The following SETBP1 variants were observed in gnomAD, a reference collection of about 807,000 sequenced individuals.
The protein encoded by SETBP1 is SET-binding protein.
SETBP1 carries 9 observed loss-of-function variants against 101.0 expected under a neutral mutation model. The observed-to-expected ratio is 0.09, with a 90% CI of 0.05 to 0.16. SETBP1 has a LOEUF of 0.16. Ranked by LOEUF, SETBP1 falls within the 10% of genes least tolerant of loss-of-function variation. The pLI, the probability that SETBP1 is intolerant of heterozygous loss-of-function variation, is 1.00. For synonymous variants in SETBP1, 818 were observed against 788.5 expected (o/e 1.04, Z -0.63); for missense variants, 1,858 against 2,033.8 (o/e 0.91, Z 1.66).
chr18:44,920,747 A>G (rs1209436873), intron 3 of SETBP1, among the ~76,000 whole-genome samples: 2 of 152,080 alleles, frequency 1.3e-5, no homozygotes, highest in African/African-American at 4.8e-5. Context: ...AACAACAGCT[A>G]CTTACTGGGA....
intron 3 of SETBP1, among the ~76,000 whole-genome samples, chr18:44,937,219 G>A (rs376254997): frequency 1.4e-4 from 22 of 151,932 alleles, no homozygotes; most frequent in African/African-American, 4.8e-4. Flanking sequence ...TTGGGAGGCC[G>A]AGGCGGGCGG....
intron 2 of SETBP1, among the ~76,000 whole-genome samples, chr18:44,735,032 A>G (rs2069932983): frequency 6.6e-6 from 1 of 152,256 alleles, no homozygotes; most frequent in South Asian, 2.1e-4. Flanking sequence ...TTATAAGTCT[A>G]CATAGAATTC....
At chr18:44,879,434 T>G (rs1488823030) in intron 3 of SETBP1, among the ~76,000 whole-genome samples, 1 of 152,196 alleles carries the variant, frequency 6.6e-6, no homozygotes, top group Non-Finnish European at 1.5e-5. Context: ...CATAGAAAAG[T>G]GTCTGGCATC....
intron 3 of SETBP1, chr18:44,872,200 T>C (rs1301346775): frequency 6.6e-6 from 1 of 152,194 alleles, no homozygotes; most frequent in African/African-American, 2.4e-5. Flanking sequence ...AAAAACCATA[T>C]GCTTTCCTCT....
In SETBP1 at chr18:44,952,277, G is replaced by T; in HGVS notation, c.2937G>T (p.Glu979Asp). The T allele has an allele frequency of 6.2e-7, 1 of 1,614,094 alleles. No homozygotes were observed. The highest frequency in any genetic ancestry group is 8.5e-7 in the Non-Finnish European group (1 of 1,180,026). The change falls in exon 4 of 6, where the codon GAG (glutamate) becomes GAT (aspartate). Residue 979 changes from glutamate (E) to aspartate (D), a missense_variant. Glu to Asp is a conservative substitution (Grantham distance 45). Transcript: ENST00000649279. ...ISHRSYTFYH[E>D]NPYPSIFRIN... The stretch of plus-strand genomic sequence containing the variant: ...ACCGGAGTTACACCTTCTACCACGA[G>T]AATCCATATCCCAGCATTTTTCGGA...
At chr18:44,971,704 C>T (rs975761062) in intron 4 of SETBP1, among the ~76,000 whole-genome samples, 23 of 152,180 alleles carry the variant, frequency 1.5e-4, no homozygotes, top group Middle Eastern at 3.2e-3. Flanking sequence ...ATATCCTTTG[C>T]CCACTTTTTG....
intron 2 of SETBP1, among the ~76,000 whole-genome samples, chr18:44,704,717 G>T (rs1410191127): frequency 6.6e-6 from 1 of 152,226 alleles, no homozygotes; most frequent in Non-Finnish European, 1.5e-5. Context: ...TACTATGTGT[G>T]TGGAAAAGTT....
intron 2 of SETBP1, among the ~76,000 whole-genome samples, chr18:44,866,560 G>T (rs920007484): frequency 2.6e-5 from 4 of 152,148 alleles, no homozygotes; most frequent in Non-Finnish European, 5.9e-5. Context: ...TTCTTGTTAG[G>T]TGAAAAATAG....
intron 3 of SETBP1, among the ~76,000 whole-genome samples, chr18:44,890,471 C>T (rs1944277): frequency 6.6e-6 from 1 of 152,084 alleles, no homozygotes; most frequent in Non-Finnish European, 1.5e-5. Flanking sequence ...GGGGAAGGCT[C>T]TTCCATGGGA....
At chr18:44,876,650 G>A (rs763468745) in intron 3 of SETBP1, 31 of 1,551,364 alleles carry the variant, frequency 2.0e-5, no homozygotes, top group Admixed American at 1.2e-4. Context: ...TCCCAGGAAC[G>A]TGCCATGTGC....
intron 3 of SETBP1, among the ~76,000 whole-genome samples, chr18:44,910,392 A>G (rs2070279162): frequency 1.3e-5 from 2 of 152,198 alleles, no homozygotes; most frequent in African/African-American, 2.4e-5. Context: ...ATTGAAACCA[A>G]ATCTGGATTG....
At chr18:44,928,977 T>C (rs184686387) in intron 3 of SETBP1, among the ~76,000 whole-genome samples, 31 of 152,372 alleles carry the variant, frequency 2.0e-4, no homozygotes, top group African/African-American at 7.2e-4. Flanking sequence ...GTTATTGCTC[T>C]TGGTGTTCTA....
At chr18:44,900,641 C>A (rs974199911) in intron 3 of SETBP1, among the ~76,000 whole-genome samples, 1 of 152,178 alleles carries the variant, frequency 6.6e-6, no homozygotes, top group Non-Finnish European at 1.5e-5. Flanking sequence ...GTGTGCCCCC[C>A]AGACCAGCAG....
At chr18:44,945,765 A>G (rs2071192285) in intron 3 of SETBP1, among the ~76,000 whole-genome samples, 1 of 152,188 alleles carries the variant, frequency 6.6e-6, no homozygotes, top group Non-Finnish European at 1.5e-5. Context: ...CCTTATCAAA[A>G]AGACAAAAAC....
Position 44,744,293 on chromosome 18 carries a change from C to G in SETBP1, c.486+42461C>G, listed in dbSNP as rs182047899. Among the ~76,000 whole-genome samples the G allele has an allele frequency of 7.9e-5, 12 of 152,356 alleles. No homozygotes were observed. The East Asian group carries it at 2.1e-3, about 27-fold the overall frequency. On this transcript the variant is annotated intron_variant, in intron 2 of 5. Transcript: ENST00000649279. ...GCTGGAGCTGCACGCCTGCTCCCCC[C>G]TTCCCTGCAGGGGCCTCCCCAGCTC...
intron 2 of SETBP1, among the ~76,000 whole-genome samples, chr18:44,704,293 A>G (rs1478587449): frequency 1.3e-5 from 2 of 152,168 alleles, no homozygotes; most frequent in East Asian, 1.9e-4. Flanking sequence ...TGTGGACTTT[A>G]TGGGAAAGAA....
At chr18:44,741,374 GCTAA>G (rs759856704) in intron 2 of SETBP1, among the ~76,000 whole-genome samples, 20 of 152,240 alleles carry the variant, frequency 1.3e-4, no homozygotes, top group Non-Finnish European at 2.4e-4. Flanking sequence ...GTGAGGAAAG[GCTAA>G]CTATTTCCTA....
chr18:44,928,237 T>C (rs546495948), intron 3 of SETBP1, among the ~76,000 whole-genome samples: 1 of 152,336 alleles, frequency 6.6e-6, no homozygotes, highest in South Asian at 2.1e-4. Context: ...GCTTCATCCA[T>C]GTCCCTACAA....
chr18:44,982,430 T>C (rs1250090813), intron 4 of SETBP1, among the ~76,000 whole-genome samples: 1 of 152,232 alleles, frequency 6.6e-6, no homozygotes, highest in East Asian at 1.9e-4. Context: ...ATTTAGGGTA[T>C]TCCCTGCCTA....
Sources: gnomAD v4.1 joint callset for allele counts (sites outside exome capture counted in the v4.1 genomes callset) on GRCh38, gnomAD v4.1.1 for gene constraint, MANE v1.5 for transcripts, NCBI Gene and HGNC (gene_info 2026-07-23, HGNC 2026-07-21) for gene names.